The following PARD3B variants were observed in gnomAD, a reference collection of about 807,000 sequenced individuals.
PARD3B encodes the protein par-3 family cell polarity regulator beta, also known as partitioning defective 3 homolog B.
A neutral mutation model predicts 130.2 loss-of-function variants in PARD3B; 103 were observed. That is an observed-to-expected ratio of 0.79 (90% CI 0.67 to 0.93). The LOEUF (loss-of-function observed/expected upper bound fraction) is 0.93, where lower values mean the gene tolerates loss of function less well. Ranked by LOEUF, PARD3B falls within the 40% of genes least tolerant of loss-of-function variation. The pLI, the probability that PARD3B is intolerant of heterozygous loss-of-function variation, is 0.00. For missense variants in PARD3B, 1,609 were observed against 1,499.2 expected (o/e 1.07, Z -1.21); for synonymous variants, 583 against 553.2 (o/e 1.05, Z -0.76).
In PARD3B at chr2:205,011,028, T is replaced by C. The variant is rs1275245195; in HGVS notation, c.395-36553T>C. 6.6e-6 allele frequency among the ~76,000 whole-genome samples: 1 copy of C among 152,226 alleles called. No homozygotes were observed. Among genetic ancestry groups the C allele is most frequent in the Non-Finnish European group, 1.5e-5 (1 of 68,044 alleles). ...ATCCCCTTAAAAAGCTGATTGCGGC[T>C]CTCTGGTGTATGGGGTTTAGTGGTG... On this transcript the variant is annotated intron_variant, in intron 3 of 22. Coordinates refer to ENST00000406610, the MANE Select transcript of PARD3B (RefSeq NM_001302769.2). This position sits in a 1 kb window ranked among gnomAD's most constrained non-coding sequence, Gnocchi z 4.1.
intron 10 of PARD3B, among the ~76,000 whole-genome samples, chr2:205,149,387 A>G (rs1435745005): frequency 6.6e-6 from 1 of 152,096 alleles, no homozygotes; most frequent in East Asian, 1.9e-4. Flanking sequence ...CCCATCCTGG[A>G]TTCCTATATA....
intron 21 of PARD3B, among the ~76,000 whole-genome samples, chr2:205,548,139 ATG>A (rs1464272803): frequency 2.6e-5 from 4 of 152,164 alleles, no homozygotes; most frequent in African/African-American, 9.6e-5. Context: ...CCTTTAAATG[ATG>A]GTGTTCCTAA....
chr2:205,585,248 C>A lies in PARD3B; in HGVS notation c.3261-30208C>A, dbSNP rs79874822. Among the ~76,000 whole-genome samples the A allele has an allele frequency of 6.6e-6, 1 of 152,104 alleles. No homozygotes were observed. Among genetic ancestry groups the A allele is most frequent in the East Asian group, 1.9e-4 (1 of 5,188 alleles). ...GAGATGAAAATGTGTATGCCCTATC[C>A]CACAAAGTAAATGCTGTCTTGGGCT... On this transcript the variant is annotated intron_variant, in intron 22 of 22. Coordinates refer to ENST00000406610, the MANE Select transcript of PARD3B (RefSeq NM_001302769.2). The surrounding 1 kb of genome is among the most constrained non-coding windows in gnomAD (Gnocchi z 5.4).
chr2:205,120,918 G>T (rs2030627801), intron 7 of PARD3B, among the ~76,000 whole-genome samples: 1 of 152,214 alleles, frequency 6.6e-6, no homozygotes, highest in Non-Finnish European at 1.5e-5. Flanking sequence ...TGAGGAAGAA[G>T]AAAATGTTAT....
At chr2:204,905,386 C>G (rs543588318) in intron 2 of PARD3B, among the ~76,000 whole-genome samples, 1 of 152,156 alleles carries the variant, frequency 6.6e-6, no homozygotes, top group South Asian at 2.1e-4. Context: ...TCCCTGGTCT[C>G]CAGTGGTATA....
At chr2:204,550,295 A>G (rs1008522487) in intron 1 of PARD3B, among the ~76,000 whole-genome samples, 10 of 152,248 alleles carry the variant, frequency 6.6e-5, no homozygotes, top group African/African-American at 2.2e-4. Flanking sequence ...TGTTTAGGGA[A>G]TAGTGACAAG....
At chr2:205,153,044 G>T (rs2033868524) in intron 10 of PARD3B, among the ~76,000 whole-genome samples, 1 of 152,170 alleles carries the variant, frequency 6.6e-6, no homozygotes, top group Admixed American at 6.5e-5. Flanking sequence ...AGAGTTTGCT[G>T]GTGGTCCACT....
chr2:205,048,873 AT>A (rs1559387281), intron 4 of PARD3B, among the ~76,000 whole-genome samples: 1 of 152,210 alleles, frequency 6.6e-6, no homozygotes, highest in Non-Finnish European at 1.5e-5. Context: ...TTCTAAGGAA[AT>A]ATATTTGATG....
At chr2:205,047,271 T>G (rs1490072705) in intron 3 of PARD3B, among the ~76,000 whole-genome samples, 1 of 152,204 alleles carries the variant, frequency 6.6e-6, no homozygotes, top group East Asian at 1.9e-4. Flanking sequence ...TACTCACATA[T>G]ATTTTCTAGA....
At chr2:204,830,348 T>A (rs1029588085) in intron 2 of PARD3B, among the ~76,000 whole-genome samples, 8 of 152,152 alleles carry the variant, frequency 5.3e-5, no homozygotes, top group African/African-American at 1.9e-4. Context: ...TGGATTGCTG[T>A]TAGAGTTGTT....
At chr2:205,477,923 G>A (rs74896278) in intron 20 of PARD3B, among the ~76,000 whole-genome samples, 21,095 of 152,178 alleles carry the variant, frequency 0.14, 2,735 homozygotes, top group African/African-American at 0.35. Context: ...TAGGCACTTA[G>A]TAAATTTATT....
At chr2:204,708,470 T>A (rs1338497173) in intron 2 of PARD3B, among the ~76,000 whole-genome samples, 6 of 152,224 alleles carry the variant, frequency 3.9e-5, no homozygotes, top group Non-Finnish European at 8.8e-5. Flanking sequence ...AGAAACGATC[T>A]CCTAGTATTA....
chr2:205,156,353 G>A (rs944591702), intron 10 of PARD3B, among the ~76,000 whole-genome samples: 28 of 151,204 alleles, frequency 1.9e-4, no homozygotes, highest in Non-Finnish European at 2.5e-4. Context: ...CATGGCACAT[G>A]TATACATATG....
intron 1 of PARD3B, among the ~76,000 whole-genome samples, chr2:204,577,845 G>A (rs1229148160): frequency 6.6e-6 from 1 of 152,094 alleles, no homozygotes; most frequent in Non-Finnish European, 1.5e-5. Context: ...TGGGATTATA[G>A]ACATCAGCCA....
intron 2 of PARD3B, among the ~76,000 whole-genome samples, chr2:204,889,961 T>C (rs767028061): frequency 9.2e-5 from 14 of 152,242 alleles, no homozygotes; most frequent in Non-Finnish European, 1.3e-4. Context: ...AATTGCTGAT[T>C]CTAAATCCAT....
intron 19 of PARD3B, among the ~76,000 whole-genome samples, chr2:205,426,270 A>ACTAC (rs529900801): frequency 2.0e-5 from 3 of 150,818 alleles, no homozygotes; most frequent in African/African-American, 7.3e-5. Flanking sequence ...ACTACTACTA[A>ACTAC]TAATAATAAT....
At chr2:205,196,725 G>T (rs191397267) in intron 15 of PARD3B, among the ~76,000 whole-genome samples, 2 of 152,076 alleles carry the variant, frequency 1.3e-5, no homozygotes, top group African/African-American at 4.8e-5. Flanking sequence ...TGACTTCTCC[G>T]TTCTTTCCCT....
At chr2:204,995,543 C>G (rs1333700060) in intron 3 of PARD3B, among the ~76,000 whole-genome samples, 1 of 137,874 alleles carries the variant, frequency 7.3e-6, no homozygotes, top group Non-Finnish European at 1.6e-5. Flanking sequence ...TTTGGTGAAT[C>G]TGACAATTAT....
At position 205,258,998 on chromosome 2, in the gene PARD3B, T is replaced by C. The variant is rs2040199881; in HGVS notation, c.2185+13176T>C. ...TTTGGCATGCATACCTAACAAAATCTAAAATTAGTCTGTATCTAATCCTTC... is the reference window on the plus strand; with the variant it reads ...TTTGGCATGCATACCTAACAAAATCCAAAATTAGTCTGTATCTAATCCTTC... On this transcript the variant is annotated intron_variant, in intron 16 of 22. Transcript: ENST00000406610. This position sits in a 1 kb window ranked among gnomAD's most constrained non-coding sequence, Gnocchi z 4.9. Among the ~76,000 whole-genome samples the C allele has an allele frequency of 6.6e-6, 1 of 152,176 alleles. No individual in the cohort carries two copies. The highest frequency in any genetic ancestry group is 2.4e-5 in the African/African-American group (1 of 41,448).
Sources: gnomAD v4.1 joint callset for allele counts (sites outside exome capture counted in the v4.1 genomes callset) on GRCh38, gnomAD v4.1.1 for gene constraint, Gnocchi (gnomAD v3.1) non-coding constraint, MANE v1.5 for transcripts, NCBI Gene and HGNC (gene_info 2026-07-23, HGNC 2026-07-21) for gene names.